SLC20A2: variants seen among roughly 807,000 people sequenced by gnomAD.
The protein encoded by SLC20A2 is sodium-dependent phosphate transporter 2.
Under a neutral mutation model 61.0 loss-of-function variants are expected in SLC20A2, and 30 were observed. That is an observed-to-expected ratio of 0.49 (90% CI 0.37 to 0.67). The LOEUF is 0.67. SLC20A2 is among the 30% of genes least tolerant of loss of function. The pLI is 0.00. For missense variants in SLC20A2, 626 were observed against 866.4 expected (o/e 0.72, Z 3.48); for synonymous variants, 351 against 353.3 (o/e 0.99, Z 0.07).
intron 1 of SLC20A2, among the ~76,000 whole-genome samples, chr8:42,511,953 TATA>T (rs1317347655): frequency 6.6e-6 from 1 of 152,054 alleles, no homozygotes; most frequent in Non-Finnish European, 1.5e-5. Flanking sequence ...GCCCAATAAT[TATA>T]ATAATCCAAG....
At chr8:42,449,584 A>G (rs959470772) in intron 5 of SLC20A2, among the ~76,000 whole-genome samples, 2 of 152,240 alleles carry the variant, frequency 1.3e-5, no homozygotes, top group Non-Finnish European at 2.9e-5. Context: ...GCTTTAGTCT[A>G]TATCAGTTTC....
chr8:42,437,610 GTCTTT>G lies in SLC20A2; in HGVS notation c.935-38_935-34del. 1 of 1,384,942 alleles carries G rather than the reference GTCTTT, an allele frequency of 7.2e-7. No individual in the cohort carries two copies. The highest frequency in any genetic ancestry group is 9.8e-7 in the Non-Finnish European group (1 of 1,017,546). 85.8% of individuals were successfully genotyped at this position (1,384,942 alleles called of 1,614,324 possible). A position where few individuals can be genotyped will look rare whatever the true frequency, so the allele number is the denominator to read the frequency against. On this transcript the variant is annotated intron_variant, in intron 7 of 10. Transcript: ENST00000520262. This position sits in a 1 kb window ranked among gnomAD's most constrained non-coding sequence, Gnocchi z 6.4. ...GGGTTAGAGAAGGTCTCATTTTCCA[GTCTTT>G]TTTTTTTTTTTCTTTTCTTTTTGAG...
chr8:42,479,027 G>A (rs972160861), intron 1 of SLC20A2, among the ~76,000 whole-genome samples: 3 of 152,132 alleles, frequency 2.0e-5, no homozygotes, highest in Non-Finnish European at 2.9e-5. Flanking sequence ...GCGAGAAGAC[G>A]GATCGAGGAG....
rs562496559 is a variant in SLC20A2, at chr8:42,496,010, A to T, written c.-265+5021T>A. On this transcript the variant is annotated intron_variant, in intron 1 of 10. Transcript: ENST00000520262. ...AGTGATCCACCCACCTTGGCCTCCC[A>T]AAGTGCTGGGAATACAGGCGTGAGC... Among the ~76,000 whole-genome samples, 81 of 152,314 alleles carry T rather than the reference A, an allele frequency of 5.3e-4. 1 individual carries two copies. Among genetic ancestry groups the T allele is most frequent in the African/African-American group, 1.9e-3 (77 of 41,572 alleles).
chr8:42,436,039 T>C (rs983449238), intron 8 of SLC20A2, among the ~76,000 whole-genome samples: 1 of 151,896 alleles, frequency 6.6e-6, no homozygotes, highest in Non-Finnish European at 1.5e-5. Context: ...TCACTTGAAC[T>C]TGGGAGAAGG....
chr8:42,509,192 CAG>C (rs774860046), intron 1 of SLC20A2, among the ~76,000 whole-genome samples: 1 of 152,192 alleles, frequency 6.6e-6, no homozygotes, highest in Non-Finnish European at 1.5e-5. Context: ...AATGTAGATA[CAG>C]AGATACAGCT....
At chr8:42,512,106 C>T (rs150928986) in intron 1 of SLC20A2, among the ~76,000 whole-genome samples, 103 of 152,282 alleles carry the variant, frequency 6.8e-4, no homozygotes, top group African/African-American at 1.3e-3. Context: ...CCATTTTAGA[C>T]ATTAATGCTT....
At position 42,525,643 on chromosome 8, in the gene SLC20A2, G is replaced by A. The variant is rs1176351789; in HGVS notation, c.-265+16178C>T. The stretch of plus-strand genomic sequence containing the variant: ...GGCAGACCTTTCTGAATACATGATC[G>A]ACAATTTTCATAAATGTCTTCTGAA... On this transcript the variant is annotated intron_variant, in intron 1 of 10. Coordinates refer to the SLC20A2 transcript ENST00000342228. 6.8e-5 allele frequency among the ~76,000 whole-genome samples: 10 copies of A among 147,040 alleles called. No individual in the cohort carries two copies. In the East Asian group the frequency reaches 1.6e-3, roughly 24 times the overall value.
At chr8:42,504,172 C>T (rs1395777954), upstream of SLC20A2, among the ~76,000 whole-genome samples, 2 of 152,212 alleles carry the variant, frequency 1.3e-5, no homozygotes, top group Admixed American at 6.5e-5. Context: ...AACTCCTGGG[C>T]TCAAGTGATT....
chr8:42,541,607 C>T (rs1329755769), intron 1 of SLC20A2: 2 of 149,736 alleles, frequency 1.3e-5, no homozygotes, highest in African/African-American at 4.9e-5. Flanking sequence ...CGTCCAGGTC[C>T]GCTCGGTAAC....
intron 5 of SLC20A2, 44 bp from the exon 6 acceptor site, chr8:42,444,806 G>A: frequency 1.4e-6 from 2 of 1,466,584 alleles, no homozygotes; most frequent in Non-Finnish European, 1.9e-6. Flanking sequence ...GGAAACTTCT[G>A]CAAGGTCAGG....
intron 5 of SLC20A2, among the ~76,000 whole-genome samples, chr8:42,447,457 C>A (rs2131070572): frequency 6.6e-6 from 1 of 152,230 alleles, no homozygotes; most frequent in Middle Eastern, 3.4e-3. Context: ...GCGGGCAGAT[C>A]ACAAGGTCAG....
At chr8:42,477,005 A>G (rs543279461) in intron 1 of SLC20A2, among the ~76,000 whole-genome samples, 4 of 152,188 alleles carry the variant, frequency 2.6e-5, no homozygotes, top group African/African-American at 9.7e-5. Flanking sequence ...CCAAAGCTCA[A>G]TGCCAGCAAT....
intron 10 of SLC20A2, 116 bp from the exon 11 acceptor site, chr8:42,418,083 C>T (rs1187784967): frequency 1.7e-5 from 13 of 754,880 alleles, no homozygotes; most frequent in Non-Finnish European, 2.5e-5. Context: ...CAGTCCCCTA[C>T]ATTTGTTAAA....
At chr8:42,438,285 G>T (rs901074449) in intron 7 of SLC20A2, among the ~76,000 whole-genome samples, 5 of 152,032 alleles carry the variant, frequency 3.3e-5, no homozygotes, top group African/African-American at 1.2e-4. Flanking sequence ...AACCCACTTC[G>T]TGTGAGGTAG....
At chr8:42,449,788 G>C (rs1280557457) in intron 5 of SLC20A2, among the ~76,000 whole-genome samples, 1 of 152,198 alleles carries the variant, frequency 6.6e-6, no homozygotes, top group Non-Finnish European at 1.5e-5. Context: ...GAGACAGTAA[G>C]AACTATTTGG....
intron 1 of SLC20A2, among the ~76,000 whole-genome samples, chr8:42,493,913 G>C (rs1181096245): frequency 6.6e-6 from 1 of 152,164 alleles, no homozygotes; most frequent in Non-Finnish European, 1.5e-5. Context: ...GGGAGAGCAA[G>C]GCAGGACTGC....
intron 1 of SLC20A2, among the ~76,000 whole-genome samples, chr8:42,533,362 T>C (rs1374990676): frequency 2.0e-5 from 3 of 152,112 alleles, no homozygotes; most frequent in Non-Finnish European, 4.4e-5. Flanking sequence ...ACACCTGTAA[T>C]CCCAGCACTT....
At chr8:42,467,964 G>A (rs972568352) in intron 2 of SLC20A2, among the ~76,000 whole-genome samples, 4 of 151,040 alleles carry the variant, frequency 2.6e-5, no homozygotes, top group African/African-American at 7.3e-5. Context: ...TTGCCCAGGC[G>A]CAATCTCGGC....
Sources: gnomAD v4.1 joint callset for allele counts (sites outside exome capture counted in the v4.1 genomes callset) on GRCh38, gnomAD v4.1.1 for gene constraint, Gnocchi (gnomAD v3.1) non-coding constraint, MANE v1.5 for transcripts, NCBI Gene and HGNC (gene_info 2026-07-23, HGNC 2026-07-21) for gene names.